Variants in ABCA9 observed in about 807,000 individuals in gnomAD.
The protein encoded by ABCA9 is ATP-binding cassette sub-family A member 9.
Under a neutral mutation model 205.3 loss-of-function variants are expected in ABCA9, and 183 were observed. The observed-to-expected ratio is 0.89, with a 90% CI of 0.79 to 1.01. ABCA9 has a LOEUF of 1.01. Ranked by LOEUF, ABCA9 falls within the 50% of genes least tolerant of loss-of-function variation. ABCA9 has a pLI of 0.00. For synonymous variants in ABCA9, 651 were observed against 683.3 expected (o/e 0.95, Z 0.74); for missense variants, 1,805 against 1,912.4 (o/e 0.94, Z 1.05).
In ABCA9 at chr17:69,023,984, AT is replaced by A. The variant is rs1381054101; in HGVS notation, c.2281+229del. ...AGCCTACGCCTCTTAATTGCACTTAATTGACTTGAAGCATATTTAACATCTA... is the reference window on the plus strand; with the variant it reads ...AGCCTACGCCTCTTAATTGCACTTAATGACTTGAAGCATATTTAACATCTA... On this transcript the variant is annotated intron_variant, in intron 17 of 38. Transcript: ENST00000340001. This position sits in a 1 kb window ranked among gnomAD's most constrained non-coding sequence, Gnocchi z 4.2. 6.7e-6 allele frequency among the ~76,000 whole-genome samples: 1 copy of A among 149,290 alleles called. No individual in the cohort carries two copies. Among genetic ancestry groups the A allele is most frequent in the African/African-American group, 2.6e-5 (1 of 38,822 alleles).
intron 4 of ABCA9, among the ~76,000 whole-genome samples, chr17:69,044,909 G>C (rs1435897760): frequency 6.7e-6 from 1 of 148,590 alleles, no homozygotes; most frequent in African/African-American, 2.5e-5. Flanking sequence ...GAAAATGTTT[G>C]GGAATCAATG....
At chr17:69,073,301 C>T in the ABCA9 span, among the ~76,000 whole-genome samples, 1 of 152,168 alleles carries the variant, frequency 6.6e-6, no homozygotes, top group African/African-American at 2.4e-5. Flanking sequence ...AAATTACATC[C>T]TTCTCAGCAC....
chr17:69,036,316 T>C (rs903762002), intron 6 of ABCA9, among the ~76,000 whole-genome samples: 24 of 152,300 alleles, frequency 1.6e-4, no homozygotes, highest in Non-Finnish European at 5.9e-5. Flanking sequence ...ATAAAATGTA[T>C]TTATGGACAA....
At chr17:68,996,073 T>C in intron 25 of ABCA9, 59 bp from the exon 26 acceptor site, 1 of 1,554,884 alleles carries the variant, frequency 6.4e-7, no homozygotes, top group Non-Finnish European at 8.7e-7. Context: ...TTTAGGATGT[T>C]TTCTAAGAGG....
At position 69,049,475 on chromosome 17, in the gene ABCA9, A is replaced by T. The variant is rs1405428851; in HGVS notation, c.112T>A (p.Phe38Ile). The T allele has an allele frequency of 3.7e-6, 6 of 1,610,744 alleles. No homozygotes were observed. Among genetic ancestry groups the T allele is most frequent in the Non-Finnish European group, 5.1e-6 (6 of 1,178,370 alleles). Residue 38 changes from phenylalanine to isoleucine, a missense_variant, in exon 3 of 39, where the codon TTT becomes ATT. By Grantham distance (21) the Phe-to-Ile change is conservative. Transcript: ENST00000340001. ...AGGTACAGAAACAGTACCAGAAGAA[A>T]TGAAAAGAGCCATTCCTATATAGCA... ...RQTLLEWLFS[F>I]LLVLFLYLFF...
intron 17 of ABCA9, chr17:69,022,150 G>A (rs1368344642): frequency 1.3e-5 from 2 of 156,352 alleles, no homozygotes; most frequent in South Asian, 2.1e-4. Flanking sequence ...TTATATTACA[G>A]GGAGTGTTTA....
the ABCA9 span, among the ~76,000 whole-genome samples, chr17:69,067,872 T>C: frequency 6.6e-6 from 1 of 152,174 alleles, no homozygotes; most frequent in African/African-American, 2.4e-5. Flanking sequence ...TCAGCTTCTG[T>C]TGGGGGCAGT....
the ABCA9 span, among the ~76,000 whole-genome samples, chr17:69,076,668 C>CA: frequency 3.3e-5 from 5 of 151,988 alleles, no homozygotes; most frequent in Admixed American, 3.3e-4. Context: ...GTAGATTTTT[C>CA]ATTACTGGTT....
At chr17:69,076,957 A>C in the ABCA9 span, among the ~76,000 whole-genome samples, 2 of 152,006 alleles carry the variant, frequency 1.3e-5, no homozygotes, top group Non-Finnish European at 2.9e-5. Flanking sequence ...CTGTTCAAAA[A>C]ACCAATTTTT....
chr17:69,021,569 GT>G (rs1045027912), intron 18 of ABCA9, among the ~76,000 whole-genome samples, 172 bp downstream of exon 18: 14 of 152,138 alleles, frequency 9.2e-5, no homozygotes, highest in African/African-American at 3.4e-4. Context: ...TCTTCTCTAA[GT>G]TTTCCCAAGA....
intron 6 of ABCA9, among the ~76,000 whole-genome samples, chr17:69,041,269 C>T (rs1018564599): frequency 6.6e-6 from 1 of 152,022 alleles, no homozygotes; most frequent in Non-Finnish European, 1.5e-5. Flanking sequence ...CTCCTTAGTT[C>T]CACTTAAATG....
chr17:69,018,626 T>C, intron 19 of ABCA9, 47 bp from the exon 20 acceptor site: 1 of 1,448,128 alleles, frequency 6.9e-7, no homozygotes, highest in Non-Finnish European at 9.3e-7. Flanking sequence ...TAGCAACTTT[T>C]GTGGGTTTTT....
chr17:68,998,981 C>G (rs16973503), intron 25 of ABCA9, among the ~76,000 whole-genome samples: 10,822 of 151,876 alleles, frequency 0.071, 1,257 homozygotes, highest in African/African-American at 0.24. Context: ...TAATTTCTTT[C>G]TTATTGGGAA....
chr17:68,992,140 A>C, intron 28 of ABCA9, 35 bp downstream of exon 28: 1 of 1,428,474 alleles, frequency 7.0e-7, no homozygotes, highest in Non-Finnish European at 9.6e-7. Context: ...ATGAATATCA[A>C]AATGAAACAT....
At chr17:69,010,095 A>G (rs2070316724) in intron 23 of ABCA9, among the ~76,000 whole-genome samples, 1 of 152,092 alleles carries the variant, frequency 6.6e-6, no homozygotes, top group Non-Finnish European at 1.5e-5. Context: ...AGAGATGAGT[A>G]ACAACGAAGT....
At chr17:69,066,018 C>T in the ABCA9 span, among the ~76,000 whole-genome samples, 2 of 152,192 alleles carry the variant, frequency 1.3e-5, no homozygotes, top group South Asian at 4.1e-4. Flanking sequence ...TCCCCAGCCA[C>T]CATGAACTGT....
chr17:69,066,563 T>C, the ABCA9 span, among the ~76,000 whole-genome samples: 2 of 151,690 alleles, frequency 1.3e-5, no homozygotes, highest in African/African-American at 4.8e-5. Context: ...GGAGTGCTGC[T>C]TTTTTGGAGG....
intron 16 of ABCA9, among the ~76,000 whole-genome samples, chr17:69,025,427 G>T (rs532485491): frequency 1.4e-4 from 22 of 152,256 alleles, no homozygotes; most frequent in African/African-American, 5.1e-4. Context: ...GGTTAAATGG[G>T]TTGAAGAAGA....
chr17:69,035,823 CAGTT>C (rs2071319098), intron 6 of ABCA9, 22 bp from the exon 7 acceptor site: 2 of 1,604,006 alleles, frequency 1.2e-6, no homozygotes, highest in Admixed American at 3.4e-5. Context: ...ACAAAGCCGT[CAGTT>C]AGAATGTTGT....
Sources: gnomAD v4.1 joint callset for allele counts (sites outside exome capture counted in the v4.1 genomes callset) on GRCh38, gnomAD v4.1.1 for gene constraint, Gnocchi (gnomAD v3.1) non-coding constraint, MANE v1.5 for transcripts, NCBI Gene and HGNC (gene_info 2026-07-23, HGNC 2026-07-21) for gene names.